Variants in UST observed in about 807,000 individuals in gnomAD.
UST encodes chondroitin sulfate 2-O-sulfotransferase.
UST carries 21 observed loss-of-function variants against 45.6 expected under a neutral mutation model. The observed-to-expected ratio is 0.46, with a 90% CI of 0.33 to 0.66. The LOEUF (loss-of-function observed/expected upper bound fraction) is 0.66. UST is among the 30% of genes least tolerant of loss of function. The probability of loss-of-function intolerance (pLI) is 0.02; values close to 1 mark genes in which losing one functional copy is unlikely to be tolerated. For missense variants in UST, 463 were observed against 512.4 expected (o/e 0.90, Z 0.93); for synonymous variants, 215 against 200.6 (o/e 1.07, Z -0.61).
chr6:148,850,964 G>A (rs1446844221), intron 1 of UST, among the ~76,000 whole-genome samples: 3 of 152,202 alleles, frequency 2.0e-5, no homozygotes, highest in Admixed American at 2.0e-4. Flanking sequence ...AGAACCCCTA[G>A]GCTCTGCCTT....
intron 1 of UST, among the ~76,000 whole-genome samples, chr6:148,762,678 A>G (rs934601740): frequency 6.6e-6 from 1 of 151,972 alleles, no homozygotes; most frequent in Non-Finnish European, 1.5e-5. Flanking sequence ...TTTTTCAATC[A>G]TCAAGCCTTT....
chr6:148,896,518 C>T (rs1053690120), intron 2 of UST, among the ~76,000 whole-genome samples: 2 of 152,218 alleles, frequency 1.3e-5, no homozygotes, highest in Admixed American at 1.3e-4. Flanking sequence ...TAAAAACCCA[C>T]ATTGTCTGAT....
intron 7 of UST, 68 bp downstream of exon 7, chr6:149,021,549 G>A (rs1488967324): frequency 4.5e-6 from 7 of 1,549,232 alleles, no homozygotes; most frequent in East Asian, 4.5e-5. Flanking sequence ...ACCTTGAAAA[G>A]GCCTCAGGAA....
At chr6:148,811,464 G>A (rs1255325255) in intron 1 of UST, among the ~76,000 whole-genome samples, 1 of 152,174 alleles carries the variant, frequency 6.6e-6, no homozygotes, top group Non-Finnish European at 1.5e-5. Flanking sequence ...TATGGATGTC[G>A]GAATGGGTGA....
At chr6:148,927,358 A>G (rs1355910748) in intron 2 of UST, among the ~76,000 whole-genome samples, 3 of 152,346 alleles carry the variant, frequency 2.0e-5, no homozygotes, top group South Asian at 2.1e-4. Context: ...ACTAATTGCC[A>G]TAGTTGAACA....
At chr6:149,020,344 T>C (rs1028812253) in intron 6 of UST, among the ~76,000 whole-genome samples, 3 of 152,162 alleles carry the variant, frequency 2.0e-5, no homozygotes, top group Non-Finnish European at 4.4e-5. Context: ...AAATACCTCC[T>C]GGTTAACATT....
chr6:148,968,490 T>C (rs986164325), intron 5 of UST, among the ~76,000 whole-genome samples: 1 of 152,214 alleles, frequency 6.6e-6, no homozygotes, highest in Admixed American at 6.5e-5. Context: ...TGCCTCCTTT[T>C]TGGGGGTGGG....
At chr6:148,866,293 C>G (rs1483516156) in intron 1 of UST, among the ~76,000 whole-genome samples, 1 of 152,126 alleles carries the variant, frequency 6.6e-6, no homozygotes, top group South Asian at 2.1e-4. Context: ...AAATCTGCCC[C>G]TTTATTAAAT....
intron 7 of UST, among the ~76,000 whole-genome samples, chr6:149,036,333 G>A (rs1562335995): frequency 6.6e-6 from 1 of 152,184 alleles, no homozygotes; most frequent in Non-Finnish European, 1.5e-5. Context: ...CAGCACTTCA[G>A]ACTCTCTTCG....
intron 1 of UST, among the ~76,000 whole-genome samples, chr6:148,838,472 A>G (rs1047273241): frequency 1.3e-5 from 2 of 152,202 alleles, no homozygotes; most frequent in Non-Finnish European, 2.9e-5. Flanking sequence ...ACCATGATTC[A>G]GGAAGCCTGG....
At chr6:149,052,570 C>T (rs1167037073) in intron 7 of UST, among the ~76,000 whole-genome samples, 3 of 146,190 alleles carry the variant, frequency 2.1e-5, no homozygotes, top group East Asian at 3.9e-4. Flanking sequence ...CTTGCAACCC[C>T]GTGCTCGTAA....
chr6:148,962,667 C>T (rs1780687072), intron 4 of UST, among the ~76,000 whole-genome samples: 1 of 152,172 alleles, frequency 6.6e-6, no homozygotes, highest in South Asian at 2.1e-4. Context: ...TGAGAACTAA[C>T]AAGATTCGCA....
chr6:149,011,395 T>C (rs1775809002), intron 5 of UST, among the ~76,000 whole-genome samples: 1 of 152,184 alleles, frequency 6.6e-6, no homozygotes. Flanking sequence ...TAAGACCTAG[T>C]ATTTGCTAGC....
chr6:149,015,490 A>G (rs574887496), intron 5 of UST, among the ~76,000 whole-genome samples: 19 of 152,200 alleles, frequency 1.2e-4, no homozygotes, highest in Non-Finnish European at 2.4e-4. Context: ...AGGGGTGCCC[A>G]TGGTGTGTGC....
chr6:148,899,900 C>T (rs955978090), intron 2 of UST, among the ~76,000 whole-genome samples: 4 of 152,176 alleles, frequency 2.6e-5, no homozygotes, highest in African/African-American at 7.2e-5. Context: ...CCTCCCACCC[C>T]CCATCACCCT....
At chr6:148,785,836 T>C (rs1327671622) in intron 1 of UST, among the ~76,000 whole-genome samples, 1 of 152,184 alleles carries the variant, frequency 6.6e-6, no homozygotes. Context: ...AAAAAGTAGT[T>C]CCTTAAAATA....
At position 149,076,884 on chromosome 6, in the gene UST, T is replaced by G. The variant is rs2115050282; in HGVS notation, c.*2768T>G. On this transcript the variant is annotated 3_prime_UTR_variant, in exon 8 of 8. Transcript: ENST00000367463. Reference sequence around the variant, plus strand: ...TAAAAGTGCTTGTAAATCTTTTTTTTTTTTTAAGAAGAAAGAAAAAAATGG... The same window carrying G: ...TAAAAGTGCTTGTAAATCTTTTTTTGTTTTTAAGAAGAAAGAAAAAAATGG... 6.6e-6 allele frequency: 1 copy of G among 152,614 alleles called. No individual in the cohort carries two copies. Among genetic ancestry groups the G allele is most frequent in the East Asian group, 1.9e-4 (1 of 5,192 alleles). 9.5% of individuals were successfully genotyped at this position (152,614 alleles called of 1,614,324 possible). A position where few individuals can be genotyped will look rare whatever the true frequency, so the allele number is the denominator to read the frequency against.
At chr6:148,892,187 T>A (rs1779033286) in intron 2 of UST, among the ~76,000 whole-genome samples, 1 of 152,262 alleles carries the variant, frequency 6.6e-6, no homozygotes, top group African/African-American at 2.4e-5. Context: ...GTCTGACGTT[T>A]CGTTTCCATG....
In UST at chr6:148,928,260, T is replaced by C. The variant is rs146008930; in HGVS notation, c.292-13019T>C. On this transcript the variant is annotated intron_variant, in intron 2 of 7. Coordinates refer to ENST00000367463, the MANE Select transcript of UST (RefSeq NM_005715.3). The stretch of plus-strand genomic sequence containing the variant: ...ATTTGTTTCTTTAACTAAACTCTCC[T>C]GATGAGGATTTTCTTATTGCTTAGT... 1.5e-4 allele frequency among the ~76,000 whole-genome samples: 23 copies of C among 152,344 alleles called. No individual in the cohort carries two copies. The East Asian group carries it at 4.4e-3, about 29-fold the overall frequency.
Sources: allele counts gnomAD v4.1 joint callset (sites outside exome capture counted in the v4.1 genomes callset), GRCh38; gene constraint gnomAD v4.1.1; transcripts MANE v1.5; gene names NCBI Gene and HGNC (gene_info 2026-07-23, HGNC 2026-07-21).